The following KLHL1 variants were observed in gnomAD, a reference collection of about 807,000 sequenced individuals.
KLHL1 encodes the protein kelch like family member 1.
A neutral mutation model predicts 77.7 loss-of-function variants in KLHL1; 47 were observed. That is an observed-to-expected ratio of 0.60 (90% CI 0.48 to 0.77). The LOEUF (loss-of-function observed/expected upper bound fraction) is 0.77, where lower values mean the gene tolerates loss of function less well. Ranked by LOEUF, KLHL1 falls within the 30% of genes least tolerant of loss-of-function variation. The pLI, the probability that KLHL1 is intolerant of heterozygous loss-of-function variation, is 0.00. For missense variants in KLHL1, 925 were observed against 910.8 expected (o/e 1.02, Z -0.20); for synonymous variants, 360 against 325.2 (o/e 1.11, Z -1.15).
chr13:70,054,411 A>G (rs1886696700), intron 1 of KLHL1, among the ~76,000 whole-genome samples: 1 of 152,122 alleles, frequency 6.6e-6, no homozygotes, highest in South Asian at 2.1e-4. Context: ...CATCCTCTGC[A>G]TGTAGCAGTG....
chr13:69,778,861 C>T (rs1185503565), intron 7 of KLHL1, among the ~76,000 whole-genome samples: 1 of 133,130 alleles, frequency 7.5e-6, no homozygotes, highest in Non-Finnish European at 1.5e-5. Flanking sequence ...TACAGTGGTG[C>T]AATCTTGGCT....
chr13:70,030,498 G>T (rs1886070788), intron 1 of KLHL1, among the ~76,000 whole-genome samples: 1 of 152,062 alleles, frequency 6.6e-6, no homozygotes, highest in South Asian at 2.1e-4. Flanking sequence ...TGACTACAAG[G>T]TACATAACGA....
chr13:69,740,683 T>G, intron 7 of KLHL1, 127 bp from the exon 8 acceptor site: 1 of 566,232 alleles, frequency 1.8e-6, no homozygotes, highest in Non-Finnish European at 2.8e-6. Flanking sequence ...AAATTAAAAA[T>G]TGAATAGATT....
chr13:69,915,028 AGGGACTTAT>A (rs1211256141), intron 4 of KLHL1, among the ~76,000 whole-genome samples: 1 of 152,168 alleles, frequency 6.6e-6, no homozygotes, highest in East Asian at 1.9e-4. Flanking sequence ...CTCAAGAAGC[AGGGACTTAT>A]GGTACTGCTC....
intron 2 of KLHL1, among the ~76,000 whole-genome samples, chr13:69,962,692 T>A (rs1052708232): frequency 6.6e-6 from 1 of 151,958 alleles, no homozygotes; most frequent in Non-Finnish European, 1.5e-5. Context: ...ATGAAAAAAA[T>A]TATGATATTT....
chr13:69,914,632 A>T (rs552906604), intron 4 of KLHL1, among the ~76,000 whole-genome samples: 21 of 152,354 alleles, frequency 1.4e-4, no homozygotes, highest in African/African-American at 5.0e-4. Context: ...TGTAGTTATC[A>T]AACAGAATCA....
At chr13:70,008,115 C>T (rs1343677004) in intron 1 of KLHL1, among the ~76,000 whole-genome samples, 1 of 151,964 alleles carries the variant, frequency 6.6e-6, no homozygotes, top group Non-Finnish European at 1.5e-5. Flanking sequence ...GCAAATTTTT[C>T]AATTTCTAAA....
At chr13:69,917,203 C>A (rs1049890311) in intron 4 of KLHL1, among the ~76,000 whole-genome samples, 2 of 151,810 alleles carry the variant, frequency 1.3e-5, no homozygotes, top group African/African-American at 4.8e-5. Context: ...TCTGTATATT[C>A]TTCTATGCCG....
chr13:69,719,421 G>T lies in KLHL1; in HGVS notation c.1963C>A (p.His655Asn). 6.2e-7 allele frequency: 1 copy of T among 1,613,430 alleles called. No homozygotes were observed. Among genetic ancestry groups the T allele is most frequent in the Non-Finnish European group, 8.5e-7 (1 of 1,179,704 alleles). The change falls in exon 9 of 11, where the codon CAT becomes AAT. Residue 655 changes from histidine to asparagine, a missense_variant. Transcript: ENST00000377844. ...CDGFLYAVGG[H>N]DAPASNHCSR... ...CAGTGATTTGAAGCAGGAGCATCAT[G>T]ACCTCCTACTGCATAAAGAAAACCG...
chr13:70,027,136 G>A (rs1437980226), intron 1 of KLHL1, among the ~76,000 whole-genome samples: 1 of 151,958 alleles, frequency 6.6e-6, no homozygotes, highest in Non-Finnish European at 1.5e-5. Context: ...GAATGATTTA[G>A]GATTTTTAAA....
At chr13:69,819,377 G>A (rs1489946717) in intron 6 of KLHL1, among the ~76,000 whole-genome samples, 1 of 152,096 alleles carries the variant, frequency 6.6e-6, no homozygotes, top group Middle Eastern at 3.2e-3. Context: ...ATAATAAAAT[G>A]ATTCAATAGA....
intron 5 of KLHL1, among the ~76,000 whole-genome samples, chr13:69,866,025 G>T (rs1025398493): frequency 7.2e-5 from 11 of 152,032 alleles, no homozygotes; most frequent in African/African-American, 2.7e-4. Context: ...TATAATAGAT[G>T]AATAGTATAA....
At chr13:70,081,052 AT>A (rs1446547837) in intron 1 of KLHL1, among the ~76,000 whole-genome samples, 1 of 152,202 alleles carries the variant, frequency 6.6e-6, no homozygotes, top group African/African-American at 2.4e-5. Flanking sequence ...ATCCTTAGAA[AT>A]TTTGGGGAAA....
intron 5 of KLHL1, among the ~76,000 whole-genome samples, chr13:69,869,749 G>A (rs1052965841): frequency 6.6e-6 from 1 of 152,246 alleles, no homozygotes; most frequent in Non-Finnish European, 1.5e-5. Flanking sequence ...CAACATATGT[G>A]TGAGAAAATT....
intron 2 of KLHL1, among the ~76,000 whole-genome samples, chr13:69,968,679 T>A (rs1447827315): frequency 1.3e-5 from 2 of 152,138 alleles, no homozygotes; most frequent in Admixed American, 1.3e-4. Context: ...AAGGACAGAC[T>A]GCAGAATGGA....
chr13:69,842,500 T>G (rs1879306954), intron 5 of KLHL1, among the ~76,000 whole-genome samples: 1 of 152,010 alleles, frequency 6.6e-6, no homozygotes, highest in African/African-American at 2.4e-5. Flanking sequence ...AAATACTATC[T>G]TATCCCAGTC....
intron 1 of KLHL1, among the ~76,000 whole-genome samples, chr13:70,083,554 G>A (rs1268360017): frequency 2.0e-5 from 3 of 152,094 alleles, no homozygotes; most frequent in African/African-American, 7.2e-5. Flanking sequence ...TTAACTCTGT[G>A]CAAATCGTAA....
At chr13:70,099,625 A>T (rs1251238474) in intron 1 of KLHL1, among the ~76,000 whole-genome samples, 2 of 152,046 alleles carry the variant, frequency 1.3e-5, no homozygotes, top group Non-Finnish European at 2.9e-5. Flanking sequence ...AGGATAATAA[A>T]TACAATAGAT....
intron 5 of KLHL1, among the ~76,000 whole-genome samples, chr13:69,844,577 GT>G (rs1211629154): frequency 6.6e-6 from 1 of 151,560 alleles, no homozygotes; most frequent in African/African-American, 2.4e-5. Flanking sequence ...TAGCATTACT[GT>G]GGGGGTTAGG....
Sources: gnomAD v4.1 joint callset for allele counts (sites outside exome capture counted in the v4.1 genomes callset) on GRCh38, gnomAD v4.1.1 for gene constraint, MANE v1.5 for transcripts, NCBI Gene and HGNC (gene_info 2026-07-23, HGNC 2026-07-21) for gene names.